Variants in ZNF385C observed in about 807,000 individuals in gnomAD.
ZNF385C encodes CTD-2132N18.2.
ZNF385C carries 28 observed loss-of-function variants against 35.4 expected under a neutral mutation model. That is an observed-to-expected ratio of 0.79 (90% confidence interval 0.59 to 1.08). ZNF385C has a LOEUF of 1.08. ZNF385C is among the 50% of genes least tolerant of loss of function. The pLI is 0.00. For synonymous variants in ZNF385C, 248 were observed against 248.2 expected (o/e 1.00, Z 0.01); for missense variants, 605 against 595.6 (o/e 1.02, Z -0.16).
intron 2 of ZNF385C, chr17:42,041,141 C>G (rs1482621264): frequency 7.3e-6 from 9 of 1,232,214 alleles, no homozygotes; most frequent in African/African-American, 1.6e-5. Flanking sequence ...TATGGGGATG[C>G]CTTCAGGCGC....
intron 1 of ZNF385C, among the ~76,000 whole-genome samples, chr17:42,078,807 G>T (rs1250714173): frequency 6.6e-6 from 1 of 152,070 alleles, no homozygotes; most frequent in African/African-American, 2.4e-5. Context: ...GGAGGAGGTG[G>T]GGGAGAGAGG....
At position 42,028,230 on chromosome 17, in the gene ZNF385C, C is replaced by T. The variant is rs1298329321; in HGVS notation, c.984G>A (p.Trp328Ter). Residue 328 changes from tryptophan to a stop codon, truncating the protein, a stop_gained, in exon 7 of 9, where the codon TGG becomes TGA. Transcript: ENST00000692273. LOFTEE classifies it high-confidence loss of function. The part of the protein sequence containing the change: ...QAHNTGAKHR[W>*]MMEGQRGAPR... ...GAGCCCCTCGCTGACCTTCCATCAT[C>T]CACCGGTGCTTGGCTCCTGGAGAGG... 1.9e-6 allele frequency: 3 copies of T among 1,540,274 alleles called. No individual in the cohort carries two copies. The highest frequency in any genetic ancestry group is 2.6e-6 in the Non-Finnish European group (3 of 1,146,918).
chr17:42,091,404 C>A (rs2053862577), intron 1 of ZNF385C, among the ~76,000 whole-genome samples: 1 of 152,162 alleles, frequency 6.6e-6, no homozygotes, highest in African/African-American at 2.4e-5. Flanking sequence ...TGTTATCGCA[C>A]CACTGTACTC....
chr17:42,040,064 C>T (rs1555655952), intron 2 of ZNF385C: 2 of 1,231,094 alleles, frequency 1.6e-6, no homozygotes, highest in African/African-American at 3.1e-5. Flanking sequence ...TCGCCCAGCG[C>T]CCGCTGGCGC....
At chr17:42,034,902 G>C (rs1555655287) in intron 3 of ZNF385C, among the ~76,000 whole-genome samples, 3 of 151,790 alleles carry the variant, frequency 2.0e-5, no homozygotes, top group Admixed American at 2.0e-4. Context: ...CAAGATGGGT[G>C]AATCACCTGA....
intron 2 of ZNF385C, among the ~76,000 whole-genome samples, chr17:42,060,760 G>A (rs1359385217): frequency 2.0e-5 from 3 of 151,974 alleles, no homozygotes; most frequent in African/African-American, 4.8e-5. Context: ...CTGTTGCCCC[G>A]GCTGGAGTGC....
chr17:42,031,357 G>A (rs559617130), intron 5 of ZNF385C, among the ~76,000 whole-genome samples: 10 of 152,272 alleles, frequency 6.6e-5, no homozygotes, highest in Admixed American at 1.3e-4. Context: ...AGTCATTTGT[G>A]AAGGCAGCCC....
chr17:42,028,164 G>A lies in ZNF385C; in HGVS notation c.1050C>T (p.Ala350=), dbSNP rs558448587. 164 of 1,608,562 alleles carry A rather than the reference G, an allele frequency of 1.0e-4. 1 individual carries two copies. In the South Asian group the frequency reaches 1.2e-3, roughly 12 times the overall value. ...CTGTGACTCTCTTGGCTTTGTGTCC[G>A]GCACCTCCCCTGGACACCGGGCGGC... ...SRGRPVSRGG[A]GHKAKRVTGG... is the part of the protein sequence containing the mutation. The change falls in exon 7 of 9, where the codon GCC becomes GCT. Residue 350 remains alanine (A), a synonymous_variant. Transcript: ENST00000692273.
intron 2 of ZNF385C, chr17:42,039,667 G>A: frequency 8.1e-7 from 1 of 1,231,464 alleles, no homozygotes; most frequent in Non-Finnish European, 1.0e-6. Flanking sequence ...CAGTGCCCAG[G>A]GCCCCAGGCT....
intron 1 of ZNF385C, among the ~76,000 whole-genome samples, chr17:42,073,608 C>T (rs568805711): frequency 2.0e-5 from 3 of 152,182 alleles, no homozygotes; most frequent in Admixed American, 2.0e-4. Context: ...CTTTCTGATT[C>T]CTCCCAGGGA....
Position 42,051,243 on chromosome 17 carries a change from TG to T in ZNF385C, c.250+11563del, listed in dbSNP as rs1379907579. On this transcript the variant is annotated intron_variant, in intron 2 of 8. Coordinates refer to ENST00000692273, the MANE Select transcript of ZNF385C (RefSeq NM_001392013.1). ...AAGCCTCCTCCGGAGGAGTTGGAAC[TG>T]GGAAGCTTATTGTTTTAGCCTAGTG... 2.0e-5 allele frequency among the ~76,000 whole-genome samples: 3 copies of T among 151,848 alleles called. No individual in the cohort carries two copies. In the East Asian group the frequency reaches 5.8e-4, roughly 29 times the overall value.
intron 2 of ZNF385C, chr17:42,041,182 A>G: frequency 8.1e-7 from 1 of 1,232,476 alleles, no homozygotes; most frequent in South Asian, 4.1e-5. Context: ...GACACTGGCA[A>G]TGGCCACCTG....
intron 1 of ZNF385C, among the ~76,000 whole-genome samples, chr17:42,088,723 A>C (rs2053835406): frequency 6.6e-6 from 1 of 152,224 alleles, no homozygotes; most frequent in South Asian, 2.1e-4. Flanking sequence ...AGCTGCCTCA[A>C]ATACCAGAAG....
intron 2 of ZNF385C, among the ~76,000 whole-genome samples, chr17:42,052,353 C>A (rs1315160437): frequency 2.6e-5 from 4 of 152,120 alleles, no homozygotes; most frequent in African/African-American, 9.7e-5. Context: ...CACACACACA[C>A]GAGCACAGAG....
chr17:42,084,109 T>A (rs2053780335), intron 1 of ZNF385C, among the ~76,000 whole-genome samples: 1 of 151,780 alleles, frequency 6.6e-6, no homozygotes. Flanking sequence ...TTTAGGAGGC[T>A]GAGATGGGAG....
chr17:42,085,539 G>A (rs2053797118), intron 1 of ZNF385C, among the ~76,000 whole-genome samples: 1 of 149,942 alleles, frequency 6.7e-6, no homozygotes, highest in Admixed American at 6.7e-5. Flanking sequence ...GCCCGCCTCA[G>A]CCTCCCAAAG....
At chr17:42,054,061 C>A (rs2143787739) in intron 2 of ZNF385C, among the ~76,000 whole-genome samples, 1 of 152,282 alleles carries the variant, frequency 6.6e-6, no homozygotes, top group African/African-American at 2.4e-5. Context: ...CCCATCCCAA[C>A]CACAGGTGGA....
intron 4 of ZNF385C, among the ~76,000 whole-genome samples, chr17:42,032,654 T>G (rs2052756962): frequency 6.6e-6 from 1 of 152,130 alleles, no homozygotes. Flanking sequence ...TGCCAGGCAC[T>G]GTGCCCGGGG....
chr17:42,028,601 A>T, intron 6 of ZNF385C, 182 bp downstream of exon 6: 1 of 776,934 alleles, frequency 1.3e-6, no homozygotes. Flanking sequence ...TCTCTTCCCA[A>T]TTCTCCTTCC....
Sources: allele counts gnomAD v4.1 joint callset (sites outside exome capture counted in the v4.1 genomes callset), GRCh38; gene constraint gnomAD v4.1.1; transcripts MANE v1.5; gene names NCBI Gene and HGNC (gene_info 2026-07-23, HGNC 2026-07-21).